The following WDSUB1 variants were observed in gnomAD, a reference collection of about 807,000 sequenced individuals.
The protein encoded by WDSUB1 is WD repeat, sterile alpha motif and U-box domain containing 1.
A neutral mutation model predicts 53.9 loss-of-function variants in WDSUB1; 49 were observed. That is an observed-to-expected ratio of 0.91 (90% CI 0.72 to 1.15). The LOEUF is 1.15. Ranked by LOEUF, WDSUB1 falls within the 50% of genes most tolerant of loss-of-function variation. WDSUB1 has a pLI of 0.00. For missense variants in WDSUB1, 514 were observed against 562.0 expected, an observed-to-expected ratio of 0.91 and a Z score of 0.86; for synonymous variants, 194 against 200.6, an observed-to-expected ratio of 0.97 and a Z score of 0.28.
At chr2:159,241,719 C>CATTTTTTTT in intron 10 of WDSUB1, among the ~76,000 whole-genome samples, 1 of 130,380 alleles carries the variant, frequency 7.7e-6, no homozygotes, top group South Asian at 2.3e-4. Flanking sequence ...TTTCTTTTTT[C>CATTTTTTTT]TTTTTTTTTT....
intron 3 of WDSUB1, among the ~76,000 whole-genome samples, chr2:159,276,305 C>T (rs2061540302): frequency 6.6e-6 from 1 of 152,186 alleles, no homozygotes; most frequent in Non-Finnish European, 1.5e-5. Context: ...TGCAATCCGC[C>T]TGCCTCAGCC....
chr2:159,252,442 G>A (rs536972931), intron 9 of WDSUB1, among the ~76,000 whole-genome samples: 37 of 152,304 alleles, frequency 2.4e-4, no homozygotes, highest in African/African-American at 8.9e-4. Context: ...CATCTGTGTA[G>A]AAGAAAGCAA....
At chr2:159,240,883 A>G (rs2060626271) in intron 10 of WDSUB1, among the ~76,000 whole-genome samples, 1 of 152,228 alleles carries the variant, frequency 6.6e-6, no homozygotes, top group South Asian at 2.1e-4. Context: ...AACAGCAGTT[A>G]GACAACTGCA....
intron 10 of WDSUB1, among the ~76,000 whole-genome samples, chr2:159,246,505 A>G (rs2151060774): frequency 6.6e-6 from 1 of 152,256 alleles, no homozygotes; most frequent in East Asian, 1.9e-4. Flanking sequence ...AAGACTAGCA[A>G]TACCAAGTGC....
At chr2:159,243,095 T>A (rs992580560) in intron 10 of WDSUB1, among the ~76,000 whole-genome samples, 1 of 147,952 alleles carries the variant, frequency 6.8e-6, no homozygotes, top group African/African-American at 2.6e-5. Context: ...ATGATTAGGA[T>A]TGGGTTTTTT....
At chr2:159,246,079 A>C (rs914716193) in intron 10 of WDSUB1, among the ~76,000 whole-genome samples, 3 of 152,216 alleles carry the variant, frequency 2.0e-5, no homozygotes, top group Non-Finnish European at 2.9e-5. Flanking sequence ...ATATGACTGG[A>C]TAAATAAGCT....
intron 5 of WDSUB1, among the ~76,000 whole-genome samples, chr2:159,265,284 GCA>G (rs1361297490): frequency 1.4e-5 from 1 of 72,288 alleles, no homozygotes; most frequent in African/African-American, 6.1e-5. Flanking sequence ...TCTAAAGCAA[GCA>G]CACACACCAC....
At chr2:159,243,755 C>G (rs760213080) in intron 10 of WDSUB1, among the ~76,000 whole-genome samples, 1 of 152,042 alleles carries the variant, frequency 6.6e-6, no homozygotes, top group Non-Finnish European at 1.5e-5. Flanking sequence ...TATACCTTCT[C>G]CTAGGAATAT....
In WDSUB1 at chr2:159,282,841, T is replaced by TAA. The variant is rs1558884428; in HGVS notation, c.228_229insTT (p.Thr77LeufsTer16). On this transcript the variant is annotated frameshift_variant, in exon 2 of 11. Transcript: ENST00000359774. LOFTEE classifies it high-confidence loss of function. ...TTTTCAGTATTCCATAGGACAGTGGTACCATCTGTTGAACACGATGCCAAA... is the reference window on the plus strand; with the variant it reads ...TTTTCAGTATTCCATAGGACAGTGGTAAACCATCTGTTGAACACGATGCCAAA... 1.9e-6 allele frequency: 3 copies of TAA among 1,614,164 alleles called. No homozygotes were observed. In the Admixed American group the frequency reaches 5.0e-5, roughly 27 times the overall value.
intron 1 of WDSUB1, 74 bp downstream of exon 1, chr2:159,286,509 C>G (rs1457004881): frequency 1.2e-5 from 1 of 83,436 alleles, no homozygotes; most frequent in Non-Finnish European, 3.1e-5. Context: ...ACGCCCCGCG[C>G]GAGCAGGCCC....
At chr2:159,249,967 T>TAA (rs970734460) in intron 9 of WDSUB1, among the ~76,000 whole-genome samples, 2 of 150,836 alleles carry the variant, frequency 1.3e-5, no homozygotes, top group African/African-American at 4.9e-5. Context: ...CACATGCCTG[T>TAA]AATCCCAGCT....
At chr2:159,245,702 A>G (rs75330541) in intron 10 of WDSUB1, among the ~76,000 whole-genome samples, 6,124 of 152,272 alleles carry the variant, frequency 0.04, 398 homozygotes, top group African/African-American at 0.14. Flanking sequence ...GTGATGCTGG[A>G]ACAACTGGAT....
At chr2:159,241,847 G>GGACTACAGGCAC (rs1442936304) in intron 10 of WDSUB1, among the ~76,000 whole-genome samples, 1 of 144,098 alleles carries the variant, frequency 6.9e-6, no homozygotes, top group Non-Finnish European at 1.5e-5. Flanking sequence ...CAAGTAGCTG[G>GGACTACAGGCAC]ATGTTTTCTA....
chr2:159,283,329 TCC>T (rs1288109762), intron 1 of WDSUB1, among the ~76,000 whole-genome samples: 5 of 152,286 alleles, frequency 3.3e-5, no homozygotes, highest in African/African-American at 1.2e-4. Flanking sequence ...CCTCAGATCA[TCC>T]GGCATTAGAT....
intron 5 of WDSUB1, among the ~76,000 whole-genome samples, chr2:159,266,004 C>A (rs185869558): frequency 6.6e-6 from 1 of 152,288 alleles, no homozygotes; most frequent in Admixed American, 6.5e-5. Context: ...AAATGTAGAA[C>A]AATGCCACTC....
chr2:159,250,302 A>ATT (rs2060922832), intron 9 of WDSUB1, among the ~76,000 whole-genome samples: 1 of 152,130 alleles, frequency 6.6e-6, no homozygotes, highest in South Asian at 2.1e-4. Flanking sequence ...GAAACTGAGG[A>ATT]TTTTTAAAAC....
chr2:159,242,382 T>C (rs1386171939), intron 10 of WDSUB1, among the ~76,000 whole-genome samples: 1 of 145,408 alleles, frequency 6.9e-6, no homozygotes, highest in Non-Finnish European at 1.5e-5. Context: ...AAAATATGCA[T>C]CAGGCTGGGT....
chr2:159,268,497 G>T (rs1002385806), intron 5 of WDSUB1, among the ~76,000 whole-genome samples: 3 of 152,160 alleles, frequency 2.0e-5, no homozygotes, highest in Non-Finnish European at 4.4e-5. Context: ...CTAGTAATTT[G>T]GCTGTTTGGC....
rs1345415883 is a variant in WDSUB1, at chr2:159,241,707, GTTTTCTT to G, written c.1274-5524_1274-5518del. 9.1e-5 allele frequency among the ~76,000 whole-genome samples: 10 copies of G among 109,700 alleles called. 1 individual carries two copies. Among genetic ancestry groups the G allele is most frequent in the African/African-American group, 3.4e-4 (9 of 26,796 alleles). The allele number at this position is 109,700 out of a possible 152,430, so 72.0% of individuals were successfully genotyped here. On this transcript the variant is annotated intron_variant, in intron 10 of 10. Coordinates refer to ENST00000359774, the MANE Select transcript of WDSUB1 (RefSeq NM_001128212.3). ...TACCTGTAAATACATGACTGGGGAT[GTTTTCTT>G]TTTTCTTTTTTTTTTTGAGATGGAG...
Sources: gnomAD v4.1 joint callset for allele counts (sites outside exome capture counted in the v4.1 genomes callset) on GRCh38, gnomAD v4.1.1 for gene constraint, MANE v1.5 for transcripts, NCBI Gene and HGNC (gene_info 2026-07-23, HGNC 2026-07-21) for gene names.